PLCH1: variants seen among roughly 807,000 people sequenced by gnomAD.
PLCH1 encodes the protein 1-phosphatidylinositol 4,5-bisphosphate phosphodiesterase eta-1.
PLCH1 carries 60 observed loss-of-function variants against 126.7 expected under a neutral mutation model. The ratio of observed to expected loss-of-function variants is 0.47; its 90% CI spans 0.38 to 0.59. The LOEUF (loss-of-function observed/expected upper bound fraction) is 0.59, where lower values mean the gene tolerates loss of function less well. Ranked by LOEUF, PLCH1 falls within the 20% of genes least tolerant of loss-of-function variation. The probability of loss-of-function intolerance (pLI) is 0.00; values close to 1 mark genes in which losing one functional copy is unlikely to be tolerated. For missense variants in PLCH1, 1,723 were observed against 2,040.0 expected, an observed-to-expected ratio of 0.84 and a Z score of 2.99; for synonymous variants, 719 against 734.9, an observed-to-expected ratio of 0.98 and a Z score of 0.35.
chr3:155,455,689 C>T (rs1334132108), intron 21 of PLCH1, among the ~76,000 whole-genome samples: 1 of 152,226 alleles, frequency 6.6e-6, no homozygotes, highest in Non-Finnish European at 1.5e-5. Flanking sequence ...CTGAGTAAAA[C>T]AGGCAAAGCT....
chr3:155,549,681 A>C, intron 10 of PLCH1, 106 bp downstream of exon 10: 1 of 769,486 alleles, frequency 1.3e-6, no homozygotes. Flanking sequence ...TCCTTCATAT[A>C]TTGATTCTAA....
chr3:155,549,155 C>G (rs1725774462), intron 10 of PLCH1, among the ~76,000 whole-genome samples: 1 of 152,130 alleles, frequency 6.6e-6, no homozygotes, highest in South Asian at 2.1e-4. Flanking sequence ...ACTGAAAGAA[C>G]TGTCTTTCTG....
At chr3:155,552,601 T>C (rs1043114209) in intron 9 of PLCH1, among the ~76,000 whole-genome samples, 5 of 152,024 alleles carry the variant, frequency 3.3e-5, no homozygotes, top group African/African-American at 7.2e-5. Context: ...CCAGGCTCAA[T>C]AGGGAAGCTG....
At chr3:155,612,726 T>C (rs1187801030) in intron 2 of PLCH1, among the ~76,000 whole-genome samples, 1 of 151,658 alleles carries the variant, frequency 6.6e-6, no homozygotes. Context: ...GTGACTAACA[T>C]GGAGCAAACC....
downstream of PLCH1, among the ~76,000 whole-genome samples, chr3:155,476,116 C>G (rs1713534873): frequency 6.6e-6 from 1 of 151,998 alleles, no homozygotes; most frequent in Non-Finnish European, 1.5e-5. Flanking sequence ...TTCATTATGA[C>G]TAAGTGGGAT....
At chr3:155,492,432 T>C (rs894465422) in intron 18 of PLCH1, among the ~76,000 whole-genome samples, 1 of 152,186 alleles carries the variant, frequency 6.6e-6, no homozygotes, top group Non-Finnish European at 1.5e-5. Flanking sequence ...TAAGATATAC[T>C]CTTAGGTGTT....
At chr3:155,726,785 T>C (rs1748360538) in intron 1 of PLCH1, among the ~76,000 whole-genome samples, 1 of 151,162 alleles carries the variant, frequency 6.6e-6, no homozygotes, top group Admixed American at 6.6e-5. Flanking sequence ...AACCTCTGCC[T>C]CCCAGGTTCA....
chr3:155,730,453 G>A (rs553090138), intron 1 of PLCH1, among the ~76,000 whole-genome samples: 35 of 152,054 alleles, frequency 2.3e-4, no homozygotes, highest in African/African-American at 6.5e-4. Context: ...GCTAATTTTC[G>A]TATTTTTAGT....
chr3:155,595,484 C>T (rs1049271943), intron 3 of PLCH1, among the ~76,000 whole-genome samples: 58 of 152,170 alleles, frequency 3.8e-4, no homozygotes, highest in East Asian at 5.8e-4. Flanking sequence ...CAAGGTTCTG[C>T]CACCTTTGTA....
At chr3:155,620,895 C>G (rs1736402789) in intron 2 of PLCH1, among the ~76,000 whole-genome samples, 1 of 152,208 alleles carries the variant, frequency 6.6e-6, no homozygotes, top group South Asian at 2.1e-4. Flanking sequence ...TCTCCCAGCA[C>G]AGTGTTTGAA....
intron 1 of PLCH1, among the ~76,000 whole-genome samples, chr3:155,741,687 T>TTATTTTTTTTTTATTTTTATTTA (rs1380144671): frequency 7.1e-6 from 1 of 140,546 alleles, no homozygotes; most frequent in South Asian, 2.2e-4. Context: ...ATATCCTCTT[T>TTATTTTTTTTTTATTTTTATTTA]TTTTTTTTTT....
intron 2 of PLCH1, among the ~76,000 whole-genome samples, chr3:155,607,417 T>C (rs1560238127): frequency 6.6e-6 from 1 of 152,178 alleles, no homozygotes; most frequent in South Asian, 2.1e-4. Flanking sequence ...TTTTTTATTA[T>C]AGTAATCTTT....
At chr3:155,707,445 T>C (rs535219719) in intron 1 of PLCH1, among the ~76,000 whole-genome samples, 94 of 152,198 alleles carry the variant, frequency 6.2e-4, no homozygotes, top group African/African-American at 2.2e-3. Context: ...TCCCAACACT[T>C]TGGGGGGCCA....
intron 8 of PLCH1, among the ~76,000 whole-genome samples, chr3:155,556,815 C>G (rs1412996665): frequency 6.6e-6 from 1 of 152,122 alleles, no homozygotes; most frequent in Non-Finnish European, 1.5e-5. Flanking sequence ...TCAGATTTGC[C>G]AACACCCACA....
At chr3:155,456,487 C>T (rs978940493) in intron 21 of PLCH1, among the ~76,000 whole-genome samples, 24 of 152,182 alleles carry the variant, frequency 1.6e-4, no homozygotes, top group Admixed American at 1.3e-3. Flanking sequence ...CTCTTTTCTG[C>T]TCTATTTACA....
intron 21 of PLCH1, among the ~76,000 whole-genome samples, chr3:155,456,323 T>C (rs1238276960): frequency 7.1e-6 from 1 of 141,562 alleles, no homozygotes; most frequent in Admixed American, 7.1e-5. Context: ...ACACTAATGA[T>C]AGCTAATGAG....
At position 155,454,073 on chromosome 3, in the gene PLCH1, CA is replaced by C. The variant is rs542998808; in HGVS notation, c.2938+31282del. ...TAACCATAATAGTGATATAGTATAGCAGCAAAAATTTGAGCATTTACTATGT... is the reference window on the plus strand; with the variant it reads ...TAACCATAATAGTGATATAGTATAGCGCAAAAATTTGAGCATTTACTATGT... On this transcript the variant is annotated intron_variant, in intron 21 of 21. Transcript: ENST00000494598. Among the ~76,000 whole-genome samples the C allele has an allele frequency of 2.6e-3, 389 of 152,198 alleles. 1 individual carries two copies. The highest frequency in any genetic ancestry group is 9.0e-3 in the African/African-American group (373 of 41,550).
rs1026617098 is a variant in PLCH1 at position 155,480,304 on chromosome 3, A to G, written c.*664T>C. ...CAAAAATATGTAACAAAATTTATGT[A>G]AAACAAACAATTTTGTCCTTATGTA... On this transcript the variant is annotated 3_prime_UTR_variant, in exon 23 of 23. Transcript: ENST00000460012. 9 of 152,652 alleles carry G rather than the reference A, an allele frequency of 5.9e-5. No homozygotes were observed. Among genetic ancestry groups the G allele is most frequent in the African/African-American group, 2.2e-4 (9 of 41,450 alleles). The allele number at this position is 152,652 out of a possible 1,614,324, so 9.5% of individuals were successfully genotyped here. A position where few individuals can be genotyped will look rare whatever the true frequency, so the allele number is the denominator to read the frequency against.
In PLCH1 at chr3:155,481,719, T is replaced by G; in HGVS notation, c.4307A>C (p.His1436Pro). The G allele has an allele frequency of 1.2e-6, 2 of 1,614,216 alleles. No individual in the cohort carries two copies. Among genetic ancestry groups the G allele is most frequent in the Non-Finnish European group, 1.7e-6 (2 of 1,180,036 alleles). Reference protein sequence around the residue: ...YLAYQGAGFVHNHFSDSDAKM... With the variant: ...YLAYQGAGFVPNHFSDSDAKM... ...TGCATCTGAATCTGAGAAATGATTA[T>G]GCACAAAGCCAGCACCCTGATAGGC... The change falls in exon 23 of 23, where the codon CAT (histidine) becomes CCT (proline). Residue 1436 changes from histidine (H) to proline (P), a missense_variant. By Grantham distance (77) the His-to-Pro change is moderately conservative (BLOSUM62 -2). Coordinates refer to ENST00000460012, the MANE Select transcript of PLCH1 (RefSeq NM_014996.4). The surrounding 1 kb of genome is among the most constrained non-coding windows in gnomAD (Gnocchi z 4.2).
Sources: allele counts gnomAD v4.1 joint callset (sites outside exome capture counted in the v4.1 genomes callset), GRCh38; gene constraint gnomAD v4.1.1; non-coding constraint Gnocchi (gnomAD v3.1); transcripts MANE v1.5; gene names NCBI Gene and HGNC (gene_info 2026-07-23, HGNC 2026-07-21).